Variants in ZNF827 observed in about 807,000 individuals in gnomAD.
The protein encoded by ZNF827 is zinc finger protein 827.
ZNF827 carries 13 observed loss-of-function variants against 102.4 expected under a neutral mutation model. The observed-to-expected ratio is 0.13, with a 90% CI of 0.08 to 0.20. ZNF827 has a LOEUF of 0.20. Ranked by LOEUF, ZNF827 falls within the 10% of genes least tolerant of loss-of-function variation. The pLI is 1.00. For synonymous variants in ZNF827, 523 were observed against 536.2 expected (o/e 0.98, Z 0.34); for missense variants, 1,103 against 1,344.4 (o/e 0.82, Z 2.81).
chr4:145,810,994 T>C (rs973871743), intron 8 of ZNF827, among the ~76,000 whole-genome samples: 2 of 66,228 alleles, frequency 3.0e-5, no homozygotes, highest in Admixed American at 1.3e-4. Context: ...CTCATTTCGC[T>C]TTTTTTTTTT....
At chr4:145,935,739 A>T (rs2127009255) in intron 1 of ZNF827, among the ~76,000 whole-genome samples, 1 of 152,292 alleles carries the variant, frequency 6.6e-6, no homozygotes, top group African/African-American at 2.4e-5. Context: ...ATATAACTTC[A>T]TCACCAGGCA....
At chr4:145,894,482 T>C (rs1302224877) in intron 2 of ZNF827, among the ~76,000 whole-genome samples, 1 of 152,216 alleles carries the variant, frequency 6.6e-6, no homozygotes, top group Admixed American at 6.5e-5. Context: ...AATCTCATCA[T>C]GTATTTACTG....
At chr4:145,777,656 T>G (rs1737325038) in intron 9 of ZNF827, among the ~76,000 whole-genome samples, 1 of 152,220 alleles carries the variant, frequency 6.6e-6, no homozygotes, top group Admixed American at 6.5e-5. Flanking sequence ...TTGAGTATTT[T>G]TGCTTCATTT....
Position 145,761,511 on chromosome 4 carries a change from C to T in ZNF827, c.*105G>A, listed in dbSNP as rs1317116839. The stretch of plus-strand genomic sequence containing the variant: ...GGTTGGCCTTCACCGTCTGGCAGAT[C>T]CGGCACTTGTACTCCATCTTGTAGT... On this transcript the variant is annotated 3_prime_UTR_variant, in exon 15 of 15. Transcript: ENST00000508784. The surrounding 1 kb of genome is among the most constrained non-coding windows in gnomAD (Gnocchi z 6.8). 3.1e-6 allele frequency: 4 copies of T among 1,289,666 alleles called. No homozygotes were observed. The highest frequency in any genetic ancestry group is 4.0e-6 in the Non-Finnish European group (4 of 988,850). The allele number at this position is 1,289,666 out of a possible 1,614,324, so 79.9% of individuals were successfully genotyped here.
At chr4:145,766,276 C>T (rs553078475) in intron 11 of ZNF827, among the ~76,000 whole-genome samples, 11 of 152,126 alleles carry the variant, frequency 7.2e-5, no homozygotes, top group Non-Finnish European at 1.2e-4. Context: ...GTCAGCAGAC[C>T]ATTAAAATCT....
intron 4 of ZNF827, among the ~76,000 whole-genome samples, chr4:145,882,081 G>A (rs534088244): frequency 6.6e-6 from 1 of 152,332 alleles, no homozygotes; most frequent in Non-Finnish European, 1.5e-5. Context: ...GTTAAGAACT[G>A]CTGCTGGCTA....
chr4:145,835,399 A>G (rs375237389), intron 7 of ZNF827: 66 of 151,688 alleles, frequency 4.4e-4, no homozygotes, highest in African/African-American at 6.3e-4. Flanking sequence ...GGGTATTGAC[A>G]GCCAGGCTTC....
chr4:145,892,728 T>C (rs374223879), intron 2 of ZNF827, among the ~76,000 whole-genome samples: 129 of 149,134 alleles, frequency 8.6e-4, no homozygotes, highest in Middle Eastern at 3.5e-3. Flanking sequence ...CAGCCTGTCC[T>C]AACTCAGGGC....
At chr4:145,920,225 T>A (rs1240148913) in intron 1 of ZNF827, among the ~76,000 whole-genome samples, 1 of 152,204 alleles carries the variant, frequency 6.6e-6, no homozygotes, top group Non-Finnish European at 1.5e-5. Flanking sequence ...CAGCTCTATA[T>A]CATAATCACC....
chr4:145,773,819 C>A (rs1166271136), intron 11 of ZNF827, among the ~76,000 whole-genome samples: 1 of 152,134 alleles, frequency 6.6e-6, no homozygotes, highest in African/African-American at 2.4e-5. Context: ...TTAAGGAGAG[C>A]GTCAGGGCTG....
intron 8 of ZNF827, among the ~76,000 whole-genome samples, chr4:145,793,267 CTT>C (rs1491317251): frequency 2.6e-5 from 2 of 75,632 alleles, no homozygotes; most frequent in South Asian, 4.1e-4. Context: ...ATATATATCT[CTT>C]ATATATATAT....
intron 1 of ZNF827, among the ~76,000 whole-genome samples, chr4:145,919,981 C>T (rs1266657455): frequency 6.6e-6 from 1 of 152,182 alleles, no homozygotes; most frequent in Non-Finnish European, 1.5e-5. Flanking sequence ...ATACACTAGG[C>T]CCACCTGAAG....
chr4:145,914,820 G>A (rs1356517584), intron 1 of ZNF827, among the ~76,000 whole-genome samples: 1 of 152,148 alleles, frequency 6.6e-6, no homozygotes, highest in African/African-American at 2.4e-5. Context: ...CATGCCCTTG[G>A]GGTTTTCACT....
At chr4:145,912,213 G>T (rs1189926399) in intron 1 of ZNF827, among the ~76,000 whole-genome samples, 3 of 152,172 alleles carry the variant, frequency 2.0e-5, no homozygotes, top group African/African-American at 7.2e-5. Flanking sequence ...ATAATATGTT[G>T]ATGCTGTTAT....
chr4:145,823,518 A>T lies in ZNF827; in HGVS notation c.2287T>A (p.Phe763Ile), dbSNP rs768670115. 6.5e-6 allele frequency: 10 copies of T among 1,536,422 alleles called. No individual in the cohort carries two copies. The highest frequency in any genetic ancestry group is 9.0e-6 in the Non-Finnish European group (10 of 1,110,916). Residue 763 changes from phenylalanine (F) to isoleucine (I), a missense_variant, in exon 8 of 15, where the codon TTT (phenylalanine) becomes ATT (isoleucine). This residue lies in a region of ZNF827 where 243 missense variants were observed against 251.6 expected (regional missense o/e 0.97). Transcript: ENST00000508784. ...NTIRTTTSPF[F>I]SEDTFRQSPF... ...GATTGTCTAAATGTGTCTTCTGAAA[A>T]GAAAGGGCTGGGGTGGGGGAGGGGG...
intron 8 of ZNF827, among the ~76,000 whole-genome samples, chr4:145,781,195 C>CAAAAAAAAAAAAAAAAAAAAAAAAAAAAA (rs10605153): frequency 7.6e-4 from 43 of 56,542 alleles, no homozygotes; most frequent in South Asian, 3.3e-3. Context: ...GACACCATCT[C>CAAAAAAAAAAAAAAAAAAAAAAAAAAAAA]AAAAAAAAAA....
intron 9 of ZNF827, among the ~76,000 whole-genome samples, chr4:145,777,149 G>A (rs147163875): frequency 7.4e-4 from 113 of 152,342 alleles, no homozygotes; most frequent in African/African-American, 2.6e-3. Context: ...TGTTATAGGT[G>A]GTCCCCAACA....
intron 8 of ZNF827, among the ~76,000 whole-genome samples, chr4:145,780,747 T>C (rs1168929806): frequency 2.0e-5 from 3 of 152,222 alleles, no homozygotes; most frequent in Non-Finnish European, 4.4e-5. Context: ...TCACCTCACT[T>C]TGAAGACCAA....
intron 8 of ZNF827, among the ~76,000 whole-genome samples, chr4:145,817,657 T>C (rs577188845): frequency 4.6e-5 from 7 of 152,288 alleles, no homozygotes; most frequent in African/African-American, 1.4e-4. Context: ...GAGATTATAA[T>C]TCAAGATGAG....
Sources: allele counts gnomAD v4.1 joint callset (sites outside exome capture counted in the v4.1 genomes callset), GRCh38; gene constraint gnomAD v4.1.1; regional missense constraint gnomAD v4.1.1; non-coding constraint Gnocchi (gnomAD v3.1); transcripts MANE v1.5; gene names NCBI Gene and HGNC (gene_info 2026-07-23, HGNC 2026-07-21).